Variants in HSD17B12 observed in about 807,000 individuals in gnomAD.
The protein encoded by HSD17B12 is very-long-chain 3-oxoacyl-CoA reductase.
In HSD17B12, 32 loss-of-function variants were observed where a neutral mutation model predicts 39.3. That is an observed-to-expected ratio of 0.81 (90% confidence interval 0.61 to 1.09). The LOEUF (loss-of-function observed/expected upper bound fraction) is 1.09, where lower values mean the gene tolerates loss of function less well. Ranked by LOEUF, HSD17B12 falls within the 50% of genes least tolerant of loss-of-function variation. HSD17B12 has a pLI of 0.00. For synonymous variants in HSD17B12, 150 were observed against 146.7 expected (o/e 1.02, Z -0.16); for missense variants, 342 against 382.9 (o/e 0.89, Z 0.89).
At chr11:43,783,507 C>T (rs917358762) in intron 3 of HSD17B12, among the ~76,000 whole-genome samples, 16 of 150,582 alleles carry the variant, frequency 1.1e-4, no homozygotes, top group Middle Eastern at 3.4e-3. Context: ...GTGGTTTGTT[C>T]CACCCATCAA....
At chr11:43,855,014 C>T (rs1343282887) in intron 10 of HSD17B12, 130 bp from the exon 11 acceptor site, 4 of 1,047,926 alleles carry the variant, frequency 3.8e-6, no homozygotes, top group Non-Finnish European at 2.8e-6. Flanking sequence ...TTATAATGGT[C>T]GTATACCCAA....
chr11:43,798,510 C>A, intron 4 of HSD17B12, 83 bp downstream of exon 4: 2 of 815,588 alleles, frequency 2.5e-6, no homozygotes, highest in Non-Finnish European at 4.0e-6. Flanking sequence ...GGTAAAATGA[C>A]TAGTGAGAAA....
At chr11:43,605,907 G>A in the HSD17B12 span, among the ~76,000 whole-genome samples, 2 of 152,322 alleles carry the variant, frequency 1.3e-5, no homozygotes, top group Admixed American at 6.5e-5. Context: ...AAAGAAATTA[G>A]ACAATCTTAA....
the HSD17B12 span, among the ~76,000 whole-genome samples, chr11:43,624,113 G>C: frequency 1.7e-3 from 264 of 151,998 alleles, 3 homozygotes; most frequent in East Asian, 0.027. Context: ...TACCTGACTT[G>C]TTTGTCCTCA....
At chr11:43,846,818 C>G (rs939016) in intron 9 of HSD17B12, among the ~76,000 whole-genome samples, 117,039 of 152,186 alleles carry the variant, frequency 0.77, 45,401 homozygotes, top group East Asian at 0.87. Context: ...CACACACACA[C>G]AAAAGACAAA....
the HSD17B12 span, among the ~76,000 whole-genome samples, chr11:43,571,839 T>C: frequency 5.6e-3 from 859 of 152,312 alleles, 12 homozygotes; most frequent in African/African-American, 0.019. Context: ...ATATACTTCT[T>C]GATCAGGGTA....
intron 9 of HSD17B12, among the ~76,000 whole-genome samples, chr11:43,851,201 G>T (rs549797644): frequency 2.0e-5 from 3 of 152,204 alleles, no homozygotes; most frequent in Non-Finnish European, 4.4e-5. Flanking sequence ...TGAAGACCAG[G>T]ATACTTGCCC....
At chr11:43,629,333 C>G in the HSD17B12 span, among the ~76,000 whole-genome samples, 2 of 152,192 alleles carry the variant, frequency 1.3e-5, no homozygotes, top group South Asian at 4.1e-4. Context: ...ACCTGCTATT[C>G]AAATTGTAGC....
rs1038659465 is a variant in HSD17B12 at position 43,856,002 on chromosome 11, C to T, written c.*754C>T. 1.3e-5 allele frequency: 2 copies of T among 152,344 alleles called. No individual in the cohort carries two copies. Among genetic ancestry groups the T allele is most frequent in the African/African-American group, 4.8e-5 (2 of 41,302 alleles). The allele number at this position is 152,344 out of a possible 1,614,324, so 9.4% of individuals were successfully genotyped here. ...ATCTATGGTACCACTGAAACCCTGA[C>T]CCAGAAAAGTGGCTTGCTTGGACAC... is the stretch of plus-strand genomic sequence containing the variant. On this transcript the variant is annotated 3_prime_UTR_variant, in exon 11 of 11. Coordinates refer to ENST00000278353, the MANE Select transcript of HSD17B12 (RefSeq NM_016142.3).
intron 6 of HSD17B12, among the ~76,000 whole-genome samples, chr11:43,821,155 C>T (rs1157671687): frequency 2.6e-5 from 4 of 152,052 alleles, no homozygotes; most frequent in Admixed American, 1.3e-4. Context: ...CAGTTTCATC[C>T]GATGGTTTTA....
At chr11:43,821,580 G>C (rs1951183350) in intron 6 of HSD17B12, among the ~76,000 whole-genome samples, 1 of 152,178 alleles carries the variant, frequency 6.6e-6, no homozygotes, top group Admixed American at 6.5e-5. Flanking sequence ...AATAGTTCTA[G>C]TTTTATACCT....
chr11:43,794,046 T>C (rs1371587294), intron 3 of HSD17B12, among the ~76,000 whole-genome samples: 2 of 152,234 alleles, frequency 1.3e-5, no homozygotes, highest in Admixed American at 6.5e-5. Context: ...GAGCAGTTCA[T>C]ACCAGTTTTT....
At chr11:43,771,554 C>A (rs1456166079) in intron 3 of HSD17B12, among the ~76,000 whole-genome samples, 1 of 148,888 alleles carries the variant, frequency 6.7e-6, no homozygotes, top group Non-Finnish European at 1.5e-5. Context: ...GCAACCTCCA[C>A]CTCCCGGGCT....
rs553452011 is a variant in HSD17B12, at chr11:43,734,297, G to C, written c.161-16614G>C. ...TTTCAGGAAGGAGTTCACAGAAGCC[G>C]TGGAAGCCAAAAAGGTGGCTCAGCA... On this transcript the variant is annotated intron_variant, in intron 1 of 10. Transcript: ENST00000278353. The C allele has an allele frequency of 2.5e-6, 3 of 1,177,898 alleles. No homozygotes were observed. The East Asian group carries it at 7.0e-5, about 28-fold the overall frequency. 73.0% of individuals were successfully genotyped at this position (1,177,898 alleles called of 1,614,324 possible). A position where few individuals can be genotyped will look rare whatever the true frequency, so the allele number is the denominator to read the frequency against.
the HSD17B12 span, among the ~76,000 whole-genome samples, chr11:43,576,236 T>C: frequency 6.6e-6 from 1 of 152,176 alleles, no homozygotes; most frequent in African/African-American, 2.4e-5. Flanking sequence ...ATTTTTCTGA[T>C]TTGAAAAACA....
chr11:43,816,745 T>G (rs1951126930), intron 6 of HSD17B12, among the ~76,000 whole-genome samples: 1 of 151,954 alleles, frequency 6.6e-6, no homozygotes, highest in African/African-American at 2.4e-5. Context: ...GCACACAATT[T>G]GTAGTCTTTT....
intron 1 of HSD17B12, among the ~76,000 whole-genome samples, chr11:43,704,070 G>C (rs1159982606): frequency 2.6e-5 from 4 of 152,168 alleles, no homozygotes. Flanking sequence ...CATTTGGAAC[G>C]TGCTCCCCAG....
chr11:43,565,872 A>C, the HSD17B12 span, among the ~76,000 whole-genome samples: 1 of 152,238 alleles, frequency 6.6e-6, no homozygotes, highest in African/African-American at 2.4e-5. Flanking sequence ...ATGAATGAGA[A>C]GGAACACCAG....
intron 4 of HSD17B12, among the ~76,000 whole-genome samples, chr11:43,800,921 C>A (rs974111499): frequency 6.6e-6 from 1 of 151,994 alleles, no homozygotes; most frequent in Non-Finnish European, 1.5e-5. Flanking sequence ...AGAGGATCAC[C>A]TGAGGTCAGG....
Sources: allele counts gnomAD v4.1 joint callset (sites outside exome capture counted in the v4.1 genomes callset), GRCh38; gene constraint gnomAD v4.1.1; transcripts MANE v1.5; gene names NCBI Gene and HGNC (gene_info 2026-07-23, HGNC 2026-07-21).